The following BCAS3 variants were observed in gnomAD, a reference collection of about 807,000 sequenced individuals.
The protein encoded by BCAS3 is BCAS3 microtubule associated cell migration factor.
BCAS3 carries 53 observed loss-of-function variants against 116.1 expected under a neutral mutation model. The observed-to-expected ratio is 0.46, with a 90% confidence interval of 0.37 to 0.57. BCAS3 has a LOEUF of 0.57. Among genes scored for constraint, BCAS3 ranks in the 20% least tolerant of loss-of-function variants. BCAS3 has a pLI of 0.00. For missense variants in BCAS3, 917 were observed against 1,165.4 expected (o/e 0.79, Z 3.10); for synonymous variants, 391 against 408.2 (o/e 0.96, Z 0.51).
chr17:60,788,020 A>G (rs1429623662), intron 6 of BCAS3, among the ~76,000 whole-genome samples: 6 of 151,916 alleles, frequency 3.9e-5, no homozygotes, highest in Non-Finnish European at 8.8e-5. Context: ...GAGTTCTCAT[A>G]TGTTGCAGCA....
intron 13 of BCAS3, among the ~76,000 whole-genome samples, chr17:60,927,299 A>G (rs2059413287): frequency 1.3e-5 from 2 of 149,484 alleles, no homozygotes; most frequent in African/African-American, 4.9e-5. Flanking sequence ...CTCTTTTGCC[A>G]GGCTGGAGTG....
At chr17:61,254,037 C>T (rs2048570004) in intron 22 of BCAS3, among the ~76,000 whole-genome samples, 1 of 152,102 alleles carries the variant, frequency 6.6e-6, no homozygotes, top group African/African-American at 2.4e-5. Flanking sequence ...CTACATCAGG[C>T]CCACTGGGAC....
intron 22 of BCAS3, among the ~76,000 whole-genome samples, chr17:61,319,355 G>A (rs574890265): frequency 6.6e-6 from 1 of 152,236 alleles, no homozygotes; most frequent in South Asian, 2.1e-4. Context: ...ATTATATTAA[G>A]GAAACCTTAG....
rs1388709091 is a variant in BCAS3 at position 61,145,309 on chromosome 17, C to G, written c.2425+60745C>G. Among the ~76,000 whole-genome samples the G allele has an allele frequency of 6.6e-6, 1 of 152,178 alleles. No homozygotes were observed. The highest frequency in any genetic ancestry group is 6.5e-5 in the Admixed American group (1 of 15,274). On this transcript the variant is annotated intron_variant, in intron 22 of 23. Coordinates refer to ENST00000407086, the MANE Select transcript of BCAS3 (RefSeq NM_017679.5). This position sits in a 1 kb window ranked among gnomAD's most constrained non-coding sequence, Gnocchi z 5.0. Reference sequence around the variant, plus strand: ...GCTATGCAAACTGACAGTTCACATCCTGGGGCAGCAGCGGGGTCTGGCCTG... The same window carrying G: ...GCTATGCAAACTGACAGTTCACATCGTGGGGCAGCAGCGGGGTCTGGCCTG...
rs1267511195 is a variant in BCAS3 at position 60,874,737 on chromosome 17, A to C, written c.660A>C (p.Thr220=). ...SCTFTKKFFV[T]SCYPCPGPNM... is the part of the protein sequence containing the mutation. The stretch of plus-strand genomic sequence containing the variant: ...CTTTCACGAAGAAATTCTTTGTTAC[A>C]AGTATGTACCAATTTTTTTTCCCTT... The change falls in exon 9 of 24, where the codon ACA becomes ACC. Residue 220 remains threonine (T), a splice_region_variant and synonymous_variant. Coordinates refer to ENST00000407086, the MANE Select transcript of BCAS3 (RefSeq NM_017679.5). 1.2e-6 allele frequency: 2 copies of C among 1,605,870 alleles called. No individual in the cohort carries two copies. Among genetic ancestry groups the C allele is most frequent in the African/African-American group, 2.7e-5 (2 of 74,786 alleles).
At chr17:60,738,361 C>A (rs978170907) in intron 5 of BCAS3, among the ~76,000 whole-genome samples, 5 of 152,136 alleles carry the variant, frequency 3.3e-5, no homozygotes, top group Non-Finnish European at 7.3e-5. Context: ...ATTTTTGCTT[C>A]ATGTATTTTG....
chr17:60,733,644 C>A (rs2040682159), intron 5 of BCAS3, among the ~76,000 whole-genome samples: 1 of 152,028 alleles, frequency 6.6e-6, no homozygotes, highest in Non-Finnish European at 1.5e-5. Flanking sequence ...GAGCTTGAGA[C>A]CAGCCTGGGC....
At chr17:61,146,096 T>G (rs1022892913) in intron 22 of BCAS3, among the ~76,000 whole-genome samples, 3 of 141,150 alleles carry the variant, frequency 2.1e-5, no homozygotes, top group African/African-American at 5.2e-5. Flanking sequence ...GTTCACAAGG[T>G]TACTTACTGG....
At chr17:60,769,727 G>A (rs2044469563) in intron 6 of BCAS3, among the ~76,000 whole-genome samples, 1 of 152,100 alleles carries the variant, frequency 6.6e-6, no homozygotes, top group African/African-American at 2.4e-5. Flanking sequence ...CCTTGGCCCA[G>A]TGGCCTCAGG....
intron 22 of BCAS3, among the ~76,000 whole-genome samples, chr17:61,268,686 T>A (rs2049972441): frequency 6.6e-6 from 1 of 152,066 alleles, no homozygotes; most frequent in African/African-American, 2.4e-5. Context: ...GCCTCTTGAA[T>A]ACCTGAGATT....
chr17:61,167,516 TTAAGCTTCTGA>T (rs2078581580), intron 22 of BCAS3, among the ~76,000 whole-genome samples: 2 of 152,228 alleles, frequency 1.3e-5, no homozygotes, highest in Non-Finnish European at 2.9e-5. Flanking sequence ...ATAGATAGTT[TTAAGCTTCTGA>T]CACAATCTAG....
At chr17:61,288,554 G>C (rs1344645120) in intron 22 of BCAS3, among the ~76,000 whole-genome samples, 1 of 152,192 alleles carries the variant, frequency 6.6e-6, no homozygotes, top group Non-Finnish European at 1.5e-5. Context: ...TCTTTTAAAA[G>C]TTGAAGTTCA....
At chr17:60,818,098 A>G (rs1445428946) in intron 7 of BCAS3, among the ~76,000 whole-genome samples, 1 of 152,074 alleles carries the variant, frequency 6.6e-6, no homozygotes, top group Non-Finnish European at 1.5e-5. Context: ...CAAGTGATCC[A>G]TCCGCCTTGG....
rs1322434840 is a variant in BCAS3, at chr17:61,337,992, C to T, written c.2426-30335C>T. ...GTTCTGACTTAGGAACTGCAGCGTCCCTTCTGTGTTGTGAGCAACTCAAAG... is the reference window on the plus strand; with the variant it reads ...GTTCTGACTTAGGAACTGCAGCGTCTCTTCTGTGTTGTGAGCAACTCAAAG... On this transcript the variant is annotated intron_variant, in intron 22 of 23. Coordinates refer to ENST00000407086, the MANE Select transcript of BCAS3 (RefSeq NM_017679.5). The surrounding 1 kb of genome is among the most constrained non-coding windows in gnomAD (Gnocchi z 4.8). Among the ~76,000 whole-genome samples the T allele has an allele frequency of 6.6e-6, 1 of 152,142 alleles. No individual in the cohort carries two copies. Among genetic ancestry groups the T allele is most frequent in the Non-Finnish European group, 1.5e-5 (1 of 68,030 alleles).
At chr17:60,898,322 G>A (rs2057647655) in intron 10 of BCAS3, among the ~76,000 whole-genome samples, 1 of 152,118 alleles carries the variant, frequency 6.6e-6, no homozygotes, top group African/African-American at 2.4e-5. Context: ...AGGTGCAACA[G>A]TTACTTCTTC....
intron 6 of BCAS3, 108 bp from the exon 7 acceptor site, chr17:60,807,896 C>T: frequency 2.9e-6 from 2 of 694,402 alleles, no homozygotes; most frequent in South Asian, 2.2e-5. Flanking sequence ...ATTATGTCAA[C>T]TTATAATGAA....
rs73334336 is a variant in BCAS3 at position 60,747,137 on chromosome 17, A to G, written c.322-61A>G. On this transcript the variant is annotated intron_variant, in intron 5 of 23. Coordinates refer to ENST00000407086, the MANE Select transcript of BCAS3 (RefSeq NM_017679.5). ...ATAAAATTTAGAAGATCTTGTTTTT[A>G]TATAATACTGTTGTGACCTTCATTT... The G allele has an allele frequency of 9.9e-3, 11,290 of 1,136,592 alleles. 843 individuals carry two copies. The African/African-American group carries it at 0.15, about 15-fold the overall frequency. 70.4% of individuals were successfully genotyped at this position (1,136,592 alleles called of 1,614,324 possible).
intron 14 of BCAS3, among the ~76,000 whole-genome samples, chr17:60,971,661 C>A (rs2061969068): frequency 6.6e-6 from 1 of 152,184 alleles, no homozygotes; most frequent in African/African-American, 2.4e-5. Context: ...TCCAGTGCCT[C>A]TTGAGCCAGT....
At chr17:61,154,680 C>T (rs771367343) in intron 22 of BCAS3, among the ~76,000 whole-genome samples, 2 of 152,064 alleles carry the variant, frequency 1.3e-5, no homozygotes, top group Non-Finnish European at 1.5e-5. Flanking sequence ...TGAGCTTAAG[C>T]GACCCTCCCC....
Sources: allele counts gnomAD v4.1 joint callset (sites outside exome capture counted in the v4.1 genomes callset), GRCh38; gene constraint gnomAD v4.1.1; non-coding constraint Gnocchi (gnomAD v3.1); transcripts MANE v1.5; gene names NCBI Gene and HGNC (gene_info 2026-07-23, HGNC 2026-07-21).